Variants in PREX1 observed in about 807,000 individuals in gnomAD.
PREX1 encodes the protein phosphatidylinositol-3,4,5-trisphosphate dependent Rac exchange factor 1.
PREX1 carries 41 observed loss-of-function variants against 198.3 expected under a neutral mutation model. That is an observed-to-expected ratio of 0.21 (90% CI 0.16 to 0.27). The LOEUF (loss-of-function observed/expected upper bound fraction) is 0.27, where lower values mean the gene tolerates loss of function less well. PREX1 is among the 10% of genes least tolerant of loss of function. The pLI is 1.00. For synonymous variants in PREX1, 843 were observed against 887.2 expected, an observed-to-expected ratio of 0.95 and a Z score of 0.89; for missense variants, 1,620 against 2,200.7, an observed-to-expected ratio of 0.74 and a Z score of 5.28.
intron 1 of PREX1, among the ~76,000 whole-genome samples, chr20:48,767,490 C>T (rs997510117): frequency 6.6e-6 from 1 of 151,926 alleles, no homozygotes; most frequent in Non-Finnish European, 1.5e-5. Flanking sequence ...GGGGAGGGTA[C>T]GTGGGCCTCT....
the PREX1 span, among the ~76,000 whole-genome samples, chr20:48,880,076 G>A: frequency 3.3e-5 from 5 of 152,130 alleles, no homozygotes; most frequent in African/African-American, 1.2e-4. Flanking sequence ...CTTCAGTTTT[G>A]TGAATCACAA....
At chr20:48,760,568 G>A (rs982209098) in intron 1 of PREX1, among the ~76,000 whole-genome samples, 3 of 152,142 alleles carry the variant, frequency 2.0e-5, no homozygotes, top group Non-Finnish European at 4.4e-5. Context: ...TGAGGTTTAA[G>A]TGAAATGATG....
the PREX1 span, among the ~76,000 whole-genome samples, chr20:48,886,868 G>A: frequency 6.6e-6 from 1 of 152,038 alleles, no homozygotes; most frequent in African/African-American, 2.4e-5. Context: ...AGAGCTGGGT[G>A]GTGAATCCAA....
At chr20:48,636,415 C>T in intron 32 of PREX1, 48 bp downstream of exon 32, 1 of 1,537,050 alleles carries the variant, frequency 6.5e-7, no homozygotes, top group South Asian at 1.2e-5. Context: ...CCTGGGCGGG[C>T]ACCAGTGGGT....
chr20:48,688,832 G>A, intron 9 of PREX1, 28 bp from the exon 10 acceptor site: 1 of 1,613,550 alleles, frequency 6.2e-7, no homozygotes, highest in Non-Finnish European at 8.5e-7. Context: ...CAGCACTGGA[G>A]AGAGCACCAG....
At chr20:48,740,239 C>A (rs2090074978) in intron 3 of PREX1, among the ~76,000 whole-genome samples, 1 of 152,204 alleles carries the variant, frequency 6.6e-6, no homozygotes, top group Non-Finnish European at 1.5e-5. Context: ...GGACCCAGCA[C>A]CTCTTTCCTT....
chr20:48,788,796 G>T (rs754164357), intron 1 of PREX1, among the ~76,000 whole-genome samples: 1 of 152,158 alleles, frequency 6.6e-6, no homozygotes, highest in Admixed American at 6.5e-5. Flanking sequence ...ATGCATTCAC[G>T]GATTAACGGG....
At chr20:48,842,077 T>C in the PREX1 span, among the ~76,000 whole-genome samples, 5 of 152,134 alleles carry the variant, frequency 3.3e-5, no homozygotes, top group African/African-American at 7.2e-5. Context: ...CTGGGTGCTG[T>C]TGACAGGGGG....
intron 1 of PREX1, among the ~76,000 whole-genome samples, chr20:48,754,677 G>C (rs1329734599): frequency 6.8e-6 from 1 of 147,892 alleles, no homozygotes; most frequent in East Asian, 2.0e-4. Flanking sequence ...CCAGGGTATG[G>C]GCTGGGAGCA....
chr20:48,847,151 A>G, the PREX1 span, among the ~76,000 whole-genome samples: 1 of 151,960 alleles, frequency 6.6e-6, no homozygotes, highest in Non-Finnish European at 1.5e-5. Context: ...GACCAACAAG[A>G]CACCTTGTGC....
the PREX1 span, among the ~76,000 whole-genome samples, chr20:48,862,807 A>ATATATATATATATATATGTG: frequency 7.9e-6 from 1 of 126,712 alleles, no homozygotes; most frequent in African/African-American, 3.2e-5. Flanking sequence ...ATATATATAT[A>ATATATATATATATATATGTG]TATATACTAA....
intron 4 of PREX1, among the ~76,000 whole-genome samples, chr20:48,730,403 G>A (rs1019067916): frequency 1.0e-4 from 15 of 143,980 alleles, no homozygotes; most frequent in African/African-American, 1.9e-4. Context: ...ATCATGCTGC[G>A]CAAAAGCCAC....
In PREX1 at chr20:48,651,544, C is replaced by T. The variant is rs1433759766; in HGVS notation, c.2507G>A (p.Cys836Tyr). Residue 836 changes from cysteine to tyrosine, a missense_variant, in exon 22 of 40, where the codon TGT becomes TAT. By Grantham distance (194) the Cys-to-Tyr change is radical (BLOSUM62 -2). Coordinates refer to ENST00000371941, the MANE Select transcript of PREX1 (RefSeq NM_020820.4). ...LLSLGPRLSL[C>Y]EDSPMVTLTV... Reference sequence around the variant, plus strand: ...CAGGGTGACCATGGGGCTGTCCTCACACAGGCTCAGCCGGGGACCCAGGGA... The same window carrying T: ...CAGGGTGACCATGGGGCTGTCCTCATACAGGCTCAGCCGGGGACCCAGGGA... 4.3e-6 allele frequency: 7 copies of T among 1,614,138 alleles called. No homozygotes were observed. The South Asian group carries it at 5.5e-5, about 13-fold the overall frequency.
chr20:48,630,662 G>A, intron 36 of PREX1, 66 bp downstream of exon 36: 1 of 1,408,132 alleles, frequency 7.1e-7, no homozygotes, highest in Non-Finnish European at 1.0e-6. Context: ...CCTGTCTGCT[G>A]AGTCCTGACT....
At chr20:48,863,431 C>T in the PREX1 span, among the ~76,000 whole-genome samples, 8 of 151,760 alleles carry the variant, frequency 5.3e-5, no homozygotes, top group African/African-American at 1.9e-4. Flanking sequence ...TCCTGTGCTT[C>T]ACCTTTTCAT....
chr20:48,733,489 G>C (rs978489502), intron 4 of PREX1, among the ~76,000 whole-genome samples: 8 of 152,214 alleles, frequency 5.3e-5, no homozygotes, highest in African/African-American at 2.4e-5. Flanking sequence ...TCCTGAAGCT[G>C]CTCAGCTATC....
upstream of PREX1, among the ~76,000 whole-genome samples, chr20:48,832,168 G>C: frequency 6.6e-6 from 1 of 152,008 alleles, no homozygotes; most frequent in East Asian, 1.9e-4. Context: ...ATAATGATAG[G>C]GAAATTCTCT....
intron 4 of PREX1, among the ~76,000 whole-genome samples, chr20:48,734,182 A>T (rs1443778782): frequency 6.6e-6 from 1 of 152,134 alleles, no homozygotes; most frequent in Non-Finnish European, 1.5e-5. Flanking sequence ...TTTTAATAGA[A>T]CCCTTACTTT....
chr20:48,636,661 T>C lies in PREX1; in HGVS notation c.3969A>G (p.Arg1323=), dbSNP rs2089367455. ...KCTDTELQLR[R]DAIFCQALVA... ...CCAGGGCCTGGCAGAAGATCGCGTCTCTGCGCAGCTGCAGCTCCGTGTCTG... is the reference window on the plus strand; with the variant it reads ...CCAGGGCCTGGCAGAAGATCGCGTCCCTGCGCAGCTGCAGCTCCGTGTCTG... The change falls in exon 32 of 40, where the codon AGA becomes AGG. Residue 1323 remains arginine (R), a synonymous_variant. Coordinates refer to ENST00000371941, the MANE Select transcript of PREX1 (RefSeq NM_020820.4). 1 of 1,608,258 alleles carries C rather than the reference T, an allele frequency of 6.2e-7. No homozygotes were observed. Among genetic ancestry groups the C allele is most frequent in the East Asian group, 2.2e-5 (1 of 44,726 alleles).
Sources: gnomAD v4.1 joint callset for allele counts (sites outside exome capture counted in the v4.1 genomes callset) on GRCh38, gnomAD v4.1.1 for gene constraint, MANE v1.5 for transcripts, NCBI Gene and HGNC (gene_info 2026-07-23, HGNC 2026-07-21) for gene names.